The following SGCD variants were observed in gnomAD, a reference collection of about 807,000 sequenced individuals.
The protein encoded by SGCD is delta-sarcoglycan.
A neutral mutation model predicts 36.6 loss-of-function variants in SGCD; 18 were observed. The ratio of observed to expected loss-of-function variants is 0.49; its 90% CI spans 0.34 to 0.73. The LOEUF (loss-of-function observed/expected upper bound fraction) is 0.73. Among genes scored for constraint, SGCD ranks in the 30% least tolerant of loss-of-function variants. SGCD has a pLI of 0.01. For synonymous variants in SGCD, 133 were observed against 130.6 expected, an observed-to-expected ratio of 1.02 and a Z score of -0.12; for missense variants, 387 against 346.7, an observed-to-expected ratio of 1.12 and a Z score of -0.92.
intron 3 of SGCD, among the ~76,000 whole-genome samples, chr5:156,156,484 C>T (rs1012381181): frequency 6.6e-6 from 1 of 151,378 alleles, no homozygotes; most frequent in Non-Finnish European, 1.5e-5. Context: ...TAAAAATTAG[C>T]GTGGTGGCAT....
chr5:156,124,704 C>T (rs960405681), intron 3 of SGCD, among the ~76,000 whole-genome samples: 4 of 151,534 alleles, frequency 2.6e-5, no homozygotes, highest in African/African-American at 9.7e-5. Flanking sequence ...TATGTGTGCG[C>T]ACATGTGTAT....
intron 4 of SGCD, among the ~76,000 whole-genome samples, chr5:156,580,557 T>C (rs1392147746): frequency 6.6e-6 from 1 of 152,240 alleles, no homozygotes; most frequent in Non-Finnish European, 1.5e-5. Context: ...AGATTTGGTC[T>C]TTTCACATGG....
At chr5:156,306,611 T>C (rs1767219482) in intron 3 of SGCD, among the ~76,000 whole-genome samples, 1 of 152,234 alleles carries the variant, frequency 6.6e-6, no homozygotes, top group Non-Finnish European at 1.5e-5. Context: ...CATATGGCCA[T>C]TCCTAGGAAG....
chr5:156,007,704 C>A (rs1758783664), intron 1 of SGCD, among the ~76,000 whole-genome samples: 1 of 152,114 alleles, frequency 6.6e-6, no homozygotes, highest in African/African-American at 2.4e-5. Context: ...TGGGGGATGG[C>A]AGAGCTAGCA....
chr5:156,239,785 C>A (rs1293983365), intron 3 of SGCD, among the ~76,000 whole-genome samples: 1 of 152,052 alleles, frequency 6.6e-6, no homozygotes, highest in Non-Finnish European at 1.5e-5. Flanking sequence ...TTGTATCTAC[C>A]CAGTCTCTCT....
intron 1 of SGCD, among the ~76,000 whole-genome samples, chr5:156,085,185 G>A (rs1339786055): frequency 6.6e-6 from 1 of 151,700 alleles, no homozygotes; most frequent in East Asian, 1.9e-4. Context: ...TGTTGTTGTT[G>A]TTCTGTCTCT....
chr5:156,189,408 G>A (rs1763836428), intron 3 of SGCD, among the ~76,000 whole-genome samples: 1 of 152,158 alleles, frequency 6.6e-6, no homozygotes, highest in South Asian at 2.1e-4. Flanking sequence ...TATTTGTCCT[G>A]CACAAATGTC....
Position 156,680,241 on chromosome 5 carries a change from G to A in SGCD, c.575+32705G>A, listed in dbSNP as rs552024107. Among the ~76,000 whole-genome samples, 5 of 152,256 alleles carry A rather than the reference G, an allele frequency of 3.3e-5. No individual in the cohort carries two copies. In the East Asian group the frequency reaches 9.7e-4, roughly 29 times the overall value. ...GACCTGCCTCAAGTCACATAGCTAA[G>A]TAGGGTGTTCAGCATTGGAACCAAA... On this transcript the variant is annotated intron_variant, in intron 7 of 8. Transcript: ENST00000337851.
At chr5:156,505,623 C>T (rs139991958) in intron 3 of SGCD, among the ~76,000 whole-genome samples, 17 of 152,260 alleles carry the variant, frequency 1.1e-4, no homozygotes, top group Admixed American at 3.9e-4. Context: ...ATGCTGGCAA[C>T]GTAACAGCAG....
the SGCD span, among the ~76,000 whole-genome samples, chr5:155,751,511 C>T: frequency 1.3e-5 from 2 of 152,066 alleles, no homozygotes; most frequent in African/African-American, 4.8e-5. Context: ...CTGAGCCTCC[C>T]CAGTGGCTGG....
At chr5:156,205,678 G>T (rs1764258328) in intron 3 of SGCD, among the ~76,000 whole-genome samples, 1 of 151,906 alleles carries the variant, frequency 6.6e-6, no homozygotes, top group African/African-American at 2.4e-5. Context: ...TTCCATAAAG[G>T]TACAGGATAG....
intron 7 of SGCD, among the ~76,000 whole-genome samples, chr5:156,703,333 C>A (rs908948509): frequency 1.3e-5 from 2 of 151,672 alleles, no homozygotes; most frequent in Admixed American, 6.6e-5. Flanking sequence ...GCTTCTGGAA[C>A]ATGAAACATA....
chr5:156,042,391 G>A (rs548784270), intron 1 of SGCD, among the ~76,000 whole-genome samples: 96 of 152,222 alleles, frequency 6.3e-4, no homozygotes, highest in African/African-American at 2.3e-3. Flanking sequence ...TGACTCCACA[G>A]CCCATGCTTA....
rs550849916 is a variant in SGCD at position 156,256,683 on chromosome 5, A to C, written c.-43-72851A>C. Among the ~76,000 whole-genome samples the C allele has an allele frequency of 1.1e-4, 16 of 152,326 alleles. No homozygotes were observed. The South Asian group carries it at 1.2e-3, about 12-fold the overall frequency. On this transcript the variant is annotated intron_variant, in intron 3 of 9. Coordinates refer to the SGCD transcript ENST00000517913. The stretch of plus-strand genomic sequence containing the variant: ...TTAATTTATTTGTGTAAACATTTAG[A>C]AGTGAAATTGCTAGATTGTAGGGTA...
In SGCD at chr5:156,515,736, G is replaced by A. The variant is rs531327211; in HGVS notation, c.294+7034G>A. On this transcript the variant is annotated intron_variant, in intron 4 of 8. Transcript: ENST00000337851. ...CAGACTCTCAGCAGCTGCTCGAGTC[G>A]TGGCCAGCAGCAGCATGCTGAAGAC... Among the ~76,000 whole-genome samples the A allele has an allele frequency of 1.2e-4, 19 of 152,322 alleles. No individual in the cohort carries two copies. In the East Asian group the frequency reaches 2.9e-3, roughly 23 times the overall value.
chr5:156,103,678 T>G (rs927921990), intron 1 of SGCD, among the ~76,000 whole-genome samples: 1 of 152,126 alleles, frequency 6.6e-6, no homozygotes, highest in Non-Finnish European at 1.5e-5. Flanking sequence ...TAATGAATCA[T>G]ATATGAAGTG....
At chr5:156,267,182 A>G (rs1276069352) in intron 3 of SGCD, among the ~76,000 whole-genome samples, 1 of 152,222 alleles carries the variant, frequency 6.6e-6, no homozygotes, top group Admixed American at 6.5e-5. Context: ...TTGAGTGCTT[A>G]GCATTAGTTA....
intron 3 of SGCD, among the ~76,000 whole-genome samples, chr5:156,307,856 G>A (rs1236752036): frequency 1.9e-3 from 286 of 151,974 alleles, no homozygotes; most frequent in African/African-American, 6.8e-3. Context: ...CACTTTGTGT[G>A]TTTAAGAAAC....
At chr5:156,604,885 T>C (rs1761363186) in intron 6 of SGCD, among the ~76,000 whole-genome samples, 1 of 149,914 alleles carries the variant, frequency 6.7e-6, no homozygotes, top group South Asian at 2.1e-4. Context: ...ATATATATAT[T>C]ATGTGTATGT....
Sources: gnomAD v4.1 joint callset for allele counts (sites outside exome capture counted in the v4.1 genomes callset) on GRCh38, gnomAD v4.1.1 for gene constraint, MANE v1.5 for transcripts, NCBI Gene and HGNC (gene_info 2026-07-23, HGNC 2026-07-21) for gene names.